RBM47: variants seen among roughly 807,000 people sequenced by gnomAD.
The protein encoded by RBM47 is RNA-binding protein 47.
RBM47 carries 21 observed loss-of-function variants against 47.1 expected under a neutral mutation model. That is an observed-to-expected ratio of 0.45 (90% CI 0.32 to 0.64). The LOEUF is 0.64. Among genes scored for constraint, RBM47 ranks in the 30% least tolerant of loss-of-function variants. The pLI, the probability that RBM47 is intolerant of heterozygous loss-of-function variation, is 0.05. For synonymous variants in RBM47, 375 were observed against 361.7 expected (o/e 1.04, Z -0.42); for missense variants, 708 against 870.9 (o/e 0.81, Z 2.35).
intron 2 of RBM47, among the ~76,000 whole-genome samples, chr4:40,533,417 G>C (rs1363630425): frequency 2.9e-5 from 4 of 140,270 alleles, no homozygotes; most frequent in Non-Finnish European, 6.1e-5. Context: ...CTGGGAAACA[G>C]AGCAAGACTC....
At chr4:40,475,366 C>T (rs1379298645) in intron 2 of RBM47, among the ~76,000 whole-genome samples, 1 of 152,182 alleles carries the variant, frequency 6.6e-6, no homozygotes, top group Admixed American at 6.5e-5. Context: ...ATTCCTGCTT[C>T]TTACCCCATA....
At chr4:40,622,180 A>G (rs893171958) in intron 1 of RBM47, among the ~76,000 whole-genome samples, 8 of 152,224 alleles carry the variant, frequency 5.3e-5, no homozygotes, top group Admixed American at 2.6e-4. Context: ...AGAGACAGAT[A>G]ATAGGTCACA....
chr4:40,577,760 G>T (rs1291898467), intron 1 of RBM47, among the ~76,000 whole-genome samples: 1 of 152,108 alleles, frequency 6.6e-6, no homozygotes, highest in Non-Finnish European at 1.5e-5. Flanking sequence ...AAACTCTGGA[G>T]TTTTTTCCTA....
chr4:40,569,000 T>TAGATAGATAGAC (rs1553902764), intron 1 of RBM47, among the ~76,000 whole-genome samples: 6 of 144,790 alleles, frequency 4.1e-5, no homozygotes, highest in African/African-American at 1.6e-4. Flanking sequence ...GATAGATAGA[T>TAGATAGATAGAC]AGATAGATAG....
rs1732013594 is a variant in RBM47, at chr4:40,573,807, A to AAAAGAAAGAAAGAAAAGAAAGAAAGAAAG, written c.-239-29302_-239-29301insCTTTCTTTCTTTCTTTTCTTTCTTTCTTT. On this transcript the variant is annotated intron_variant, in intron 1 of 6. Coordinates refer to ENST00000295971, the MANE Select transcript of RBM47 (RefSeq NM_001098634.2). ...AAAGAGAGAGAGAGAGAAAGAAAGA[A>AAAAGAAAGAAAGAAAAGAAAGAAAGAAAG]AAAGAAAGAAAGAAAGAAAGAAAGA... is the stretch of plus-strand genomic sequence containing the variant. 9.2e-4 allele frequency among the ~76,000 whole-genome samples: 126 copies of AAAAGAAAGAAAGAAAAGAAAGAAAGAAAG among 136,754 alleles called. 1 individual carries two copies. Among genetic ancestry groups the AAAAGAAAGAAAGAAAAGAAAGAAAGAAAG allele is most frequent in the African/African-American group, 3.6e-3 (117 of 32,948 alleles). The allele number at this position is 136,754 out of a possible 152,430, so 89.7% of individuals were successfully genotyped here.
At chr4:40,435,093 G>A (rs1482382237) in intron 5 of RBM47, among the ~76,000 whole-genome samples, 1 of 152,170 alleles carries the variant, frequency 6.6e-6, no homozygotes, top group Non-Finnish European at 1.5e-5. Context: ...ATGGTCATGG[G>A]CACTAATGAC....
Position 40,618,593 on chromosome 4 carries a change from G to T in RBM47, c.-240+10803C>A, listed in dbSNP as rs148291814. On this transcript the variant is annotated intron_variant, in intron 1 of 6. Coordinates refer to ENST00000295971, the MANE Select transcript of RBM47 (RefSeq NM_001098634.2). ...TGGAAGGCCGAGGTGGGCAGATCAC[G>T]AGGTCAGGAGGTCGAGACCAGCCTG... is the stretch of plus-strand genomic sequence containing the variant. Among the ~76,000 whole-genome samples the T allele has an allele frequency of 1.1e-4, 17 of 151,610 alleles. No individual in the cohort carries two copies. The East Asian group carries it at 3.1e-3, about 28-fold the overall frequency.
At chr4:40,434,052 A>C (rs1711884149) in intron 5 of RBM47, among the ~76,000 whole-genome samples, 1 of 151,234 alleles carries the variant, frequency 6.6e-6, no homozygotes, top group Non-Finnish European at 1.5e-5. Flanking sequence ...GAAAGGACAA[A>C]CAAAAATATG....
At chr4:40,578,059 G>A (rs1732505866) in intron 1 of RBM47, among the ~76,000 whole-genome samples, 1 of 152,184 alleles carries the variant, frequency 6.6e-6, no homozygotes, top group Non-Finnish European at 1.5e-5. Flanking sequence ...AGACCAGACT[G>A]AAAATCAAAA....
intron 1 of RBM47, among the ~76,000 whole-genome samples, chr4:40,609,836 T>C (rs781523469): frequency 4.6e-5 from 7 of 151,878 alleles, no homozygotes; most frequent in African/African-American, 7.2e-5. Context: ...GGCTCACACC[T>C]GTAATCCCAG....
At chr4:40,452,270 A>C (rs1212927045) in intron 3 of RBM47, among the ~76,000 whole-genome samples, 7 of 152,088 alleles carry the variant, frequency 4.6e-5, no homozygotes, top group Non-Finnish European at 8.8e-5. Flanking sequence ...CAAATAGCTG[A>C]AATGTAGGAG....
chr4:40,552,030 T>G (rs1331539285), intron 1 of RBM47, among the ~76,000 whole-genome samples: 1 of 152,154 alleles, frequency 6.6e-6, no homozygotes, highest in Non-Finnish European at 1.5e-5. Context: ...CATTTTCTCT[T>G]CTAGAGAGCA....
intron 3 of RBM47, among the ~76,000 whole-genome samples, chr4:40,445,401 G>A (rs1426272538): frequency 6.6e-6 from 1 of 152,114 alleles, no homozygotes; most frequent in Non-Finnish European, 1.5e-5. Context: ...GAAGGTTGTT[G>A]GCTCAGCTCC....
intron 1 of RBM47, among the ~76,000 whole-genome samples, chr4:40,566,876 T>A (rs987429561): frequency 6.6e-5 from 10 of 151,606 alleles, no homozygotes; most frequent in African/African-American, 2.4e-4. Context: ...CCACTCTTTA[T>A]CCTCCCATGA....
rs957316027 is a variant in RBM47 at position 40,487,739 on chromosome 4, AATTGTT to A, written c.-154-21046_-154-21041del. 6.0e-4 allele frequency among the ~76,000 whole-genome samples: 91 copies of A among 152,036 alleles called. 2 individuals carry two copies. Among genetic ancestry groups the A allele is most frequent in the African/African-American group, 1.7e-3 (71 of 41,294 alleles). ...AAGTATGAAGAGATAAATCAAATTT[AATTGTT>A]ATTAATATATTATTGATTATTCACA... On this transcript the variant is annotated intron_variant, in intron 2 of 6. Transcript: ENST00000295971.
chr4:40,477,354 G>A (rs531160619), intron 2 of RBM47, among the ~76,000 whole-genome samples: 3 of 152,266 alleles, frequency 2.0e-5, no homozygotes, highest in African/African-American at 7.2e-5. Flanking sequence ...TCCAAAACAA[G>A]TCTAAGATTA....
At chr4:40,511,687 G>A (rs1724950168) in intron 2 of RBM47, among the ~76,000 whole-genome samples, 1 of 152,202 alleles carries the variant, frequency 6.6e-6, no homozygotes, top group Admixed American at 6.5e-5. Context: ...TGGGCACAGG[G>A]GCTCAAGCCT....
In RBM47 at chr4:40,438,246, A is replaced by G. The variant is rs914928772; in HGVS notation, c.648T>C (p.Pro216=). Residue 216 remains proline (P), a synonymous_variant, in exon 4 of 7, where the codon CCT becomes CCC. Coordinates refer to ENST00000295971, the MANE Select transcript of RBM47 (RefSeq NM_001098634.2). ...GGTGGCCCCACAGCTGGATGCGGCC[A>G]GGCATGAGCTTGCGGCGAGCCATGG... ...AAAMARRKLM[P]GRIQLWGHQI... is the part of the protein sequence containing the mutation. The G allele has an allele frequency of 6.2e-7, 1 of 1,604,708 alleles. No individual in the cohort carries two copies. Among genetic ancestry groups the G allele is most frequent in the Non-Finnish European group, 8.5e-7 (1 of 1,179,924 alleles).
chr4:40,567,218 G>C (rs16852340), intron 1 of RBM47, among the ~76,000 whole-genome samples: 7,630 of 151,984 alleles, frequency 0.05, 688 homozygotes, highest in African/African-American at 0.18. Context: ...AACTCGGGCA[G>C]TGTCACTTTC....
Sources: allele counts gnomAD v4.1 joint callset (sites outside exome capture counted in the v4.1 genomes callset), GRCh38; gene constraint gnomAD v4.1.1; transcripts MANE v1.5; gene names NCBI Gene and HGNC (gene_info 2026-07-23, HGNC 2026-07-21).